AGAP1: variants seen among roughly 807,000 people sequenced by gnomAD.
The protein encoded by AGAP1 is ArfGAP with GTPase domain, ankyrin repeat and PH domain 1.
In AGAP1, 29 loss-of-function variants were observed where a neutral mutation model predicts 105.3. The observed-to-expected ratio is 0.28, with a 90% CI of 0.21 to 0.38. The LOEUF (loss-of-function observed/expected upper bound fraction) is 0.38. Among genes scored for constraint, AGAP1 ranks in the 10% least tolerant of loss-of-function variants. The pLI, the probability that AGAP1 is intolerant of heterozygous loss-of-function variation, is 1.00. For synonymous variants in AGAP1, 509 were observed against 485.9 expected, an observed-to-expected ratio of 1.05 and a Z score of -0.63; for missense variants, 998 against 1,165.1, an observed-to-expected ratio of 0.86 and a Z score of 2.09.
chr2:235,510,229 C>T (rs994441335), intron 1 of AGAP1, among the ~76,000 whole-genome samples: 2 of 152,314 alleles, frequency 1.3e-5, no homozygotes, highest in Non-Finnish European at 2.9e-5. Flanking sequence ...CCCCCTGCCT[C>T]CCTTCAGTGG....
intron 12 of AGAP1, among the ~76,000 whole-genome samples, chr2:235,937,665 G>A (rs772829977): frequency 2.0e-5 from 3 of 152,210 alleles, no homozygotes; most frequent in Non-Finnish European, 2.9e-5. Context: ...GGCCCTCGGC[G>A]TGTCTTCACC....
At chr2:235,947,838 T>C (rs150843153) in intron 12 of AGAP1, among the ~76,000 whole-genome samples, 2 of 152,380 alleles carry the variant, frequency 1.3e-5, no homozygotes, top group Non-Finnish European at 2.9e-5. Context: ...ATAGGTACTA[T>C]TTGTTAAGTC....
In AGAP1 at chr2:235,549,540, G is replaced by C. The variant is rs148745780; in HGVS notation, c.163+54691G>C. The stretch of plus-strand genomic sequence containing the variant: ...AGATGGTGTTGGCAGCCTTTTTCAC[G>C]TACAGAGTTGCATTGCTCCTCCGTC... On this transcript the variant is annotated intron_variant, in intron 1 of 17. Transcript: ENST00000304032. The surrounding 1 kb of genome is among the most constrained non-coding windows in gnomAD (Gnocchi z 4.2). 0.015 allele frequency among the ~76,000 whole-genome samples: 2,261 copies of C among 152,252 alleles called. 26 individuals carry two copies. Among genetic ancestry groups the C allele is most frequent in the Non-Finnish European group, 0.017 (1,180 of 68,028 alleles).
At chr2:235,509,145 A>T (rs1941960467) in intron 1 of AGAP1, among the ~76,000 whole-genome samples, 1 of 152,226 alleles carries the variant, frequency 6.6e-6, no homozygotes, top group Non-Finnish European at 1.5e-5. Flanking sequence ...GTGAAAATTA[A>T]TGGTGGGTTT....
chr2:236,120,051 G>T lies in AGAP1; in HGVS notation c.2115-141G>T. 1 of 1,208,406 alleles carries T rather than the reference G, an allele frequency of 8.3e-7. No individual in the cohort carries two copies. Among genetic ancestry groups the T allele is most frequent in the Non-Finnish European group, 1.2e-6 (1 of 868,674 alleles). The allele number at this position is 1,208,406 out of a possible 1,614,324, so 74.9% of individuals were successfully genotyped here. A position where few individuals can be genotyped will look rare whatever the true frequency, so the allele number is the denominator to read the frequency against. Reference sequence around the variant, plus strand: ...TGAAGGTGGATAAACGTTTCCCCCAGGGGGCTTTGTGCCGAGTGAAGACCT... The same window carrying T: ...TGAAGGTGGATAAACGTTTCCCCCATGGGGCTTTGTGCCGAGTGAAGACCT... On this transcript the variant is annotated intron_variant, in intron 16 of 17. Transcript: ENST00000304032. The surrounding 1 kb of genome is among the most constrained non-coding windows in gnomAD (Gnocchi z 6.0).
rs530373354 is a variant in AGAP1, at chr2:235,628,475, G to A, written c.164-80704G>A. ...TTTCTGGGAATGTACTTGGCAGAAG[G>A]GAAGCCTGGGAGTGAGCTCCAGGCA... On this transcript the variant is annotated intron_variant, in intron 1 of 17. Transcript: ENST00000304032. Among the ~76,000 whole-genome samples the A allele has an allele frequency of 9.2e-5, 14 of 152,240 alleles. No homozygotes were observed. The South Asian group carries it at 2.9e-3, about 32-fold the overall frequency.
chr2:236,007,574 T>C (rs1216614303), intron 13 of AGAP1, among the ~76,000 whole-genome samples: 4 of 152,226 alleles, frequency 2.6e-5, no homozygotes, highest in Non-Finnish European at 5.9e-5. Context: ...CTTTGAAATA[T>C]GATAACACAA....
rs1224582317 is a variant in AGAP1 at position 235,962,479 on chromosome 2, C to G, written c.1484-5983C>G. The stretch of plus-strand genomic sequence containing the variant: ...GGGTTGGACGTCAGATGGCATGGAA[C>G]TCAGGGCATAGAGGAGCCACGGGAG... On this transcript the variant is annotated intron_variant, in intron 12 of 17. Transcript: ENST00000304032. This position sits in a 1 kb window ranked among gnomAD's most constrained non-coding sequence, Gnocchi z 5.3. 2.0e-5 allele frequency among the ~76,000 whole-genome samples: 3 copies of G among 152,030 alleles called. No homozygotes were observed. The highest frequency in any genetic ancestry group is 4.8e-5 in the African/African-American group (2 of 41,388).
At chr2:235,861,723 C>G (rs1170469571) in intron 9 of AGAP1, among the ~76,000 whole-genome samples, 4 of 152,154 alleles carry the variant, frequency 2.6e-5, no homozygotes, top group Non-Finnish European at 5.9e-5. Flanking sequence ...CACTGTGTCC[C>G]TGGGGGACTG....
At position 236,000,683 on chromosome 2, in the gene AGAP1, G is replaced by A. The variant is rs571090834; in HGVS notation, c.1645+32060G>A. On this transcript the variant is annotated intron_variant, in intron 13 of 17. Transcript: ENST00000304032. This position sits in a 1 kb window ranked among gnomAD's most constrained non-coding sequence, Gnocchi z 4.3. ...GTGCACAGTGAAGAATAAAACACAG[G>A]TGATTTCAGATAGTGGCACATGCCT... 2.1e-4 allele frequency among the ~76,000 whole-genome samples: 32 copies of A among 152,328 alleles called. No homozygotes were observed. Among genetic ancestry groups the A allele is most frequent in the African/African-American group, 7.5e-4 (31 of 41,564 alleles).
At chr2:235,749,492 C>T (rs2149706747) in intron 5 of AGAP1, among the ~76,000 whole-genome samples, 1 of 152,178 alleles carries the variant, frequency 6.6e-6, no homozygotes, top group Non-Finnish European at 1.5e-5. Context: ...ATCCAGGTCA[C>T]CTGTGACCCT....
intron 6 of AGAP1, among the ~76,000 whole-genome samples, chr2:235,757,589 C>G (rs768437368): frequency 9.9e-5 from 15 of 152,194 alleles, no homozygotes; most frequent in Non-Finnish European, 2.1e-4. Flanking sequence ...CTGGAAAGCA[C>G]TTTTATAGAA....
At position 235,631,653 on chromosome 2, in the gene AGAP1, C is replaced by G. The variant is rs1946833154; in HGVS notation, c.164-77526C>G. Among the ~76,000 whole-genome samples, 1 of 152,230 alleles carries G rather than the reference C, an allele frequency of 6.6e-6. No homozygotes were observed. Among genetic ancestry groups the G allele is most frequent in the African/African-American group, 2.4e-5 (1 of 41,472 alleles). On this transcript the variant is annotated intron_variant, in intron 1 of 17. Coordinates refer to ENST00000304032, the MANE Select transcript of AGAP1 (RefSeq NM_001037131.3). The surrounding 1 kb of genome is among the most constrained non-coding windows in gnomAD (Gnocchi z 5.4). ...TGTGATTCTGGGCAAGTTGGTTAAC[C>G]TCTCTGTGCTTAGGTGACCTTCGAT...
In AGAP1 at chr2:236,002,278, G is replaced by C. The variant is rs1255883676; in HGVS notation, c.1645+33655G>C. ...GACCCACGCACCCAGCCTGAGCCCA[G>C]GAGGCTCCTGGTCCCGTCCTGGAAC... On this transcript the variant is annotated intron_variant, in intron 13 of 17. Transcript: ENST00000304032. This position sits in a 1 kb window ranked among gnomAD's most constrained non-coding sequence, Gnocchi z 4.3. Among the ~76,000 whole-genome samples the C allele has an allele frequency of 6.6e-6, 1 of 152,190 alleles. No individual in the cohort carries two copies. Among genetic ancestry groups the C allele is most frequent in the East Asian group, 1.9e-4 (1 of 5,176 alleles).
At position 235,705,074 on chromosome 2, in the gene AGAP1, G is replaced by A. The variant is rs967117831; in HGVS notation, c.164-4105G>A. The stretch of plus-strand genomic sequence containing the variant: ...GCTCGCTGCAACCTCTACCTCCCGG[G>A]TTCAAGCACTTCTCCTGCCTCAGCC... On this transcript the variant is annotated intron_variant, in intron 1 of 17. Coordinates refer to ENST00000304032, the MANE Select transcript of AGAP1 (RefSeq NM_001037131.3). The surrounding 1 kb of genome is among the most constrained non-coding windows in gnomAD (Gnocchi z 4.9). Among the ~76,000 whole-genome samples the A allele has an allele frequency of 1.9e-4, 28 of 144,262 alleles. No homozygotes were observed. The highest frequency in any genetic ancestry group is 4.6e-4 in the South Asian group (2 of 4,352). 94.6% of individuals were successfully genotyped at this position (144,262 alleles called of 152,430 possible).
intron 4 of AGAP1, among the ~76,000 whole-genome samples, chr2:235,742,043 G>A (rs1258793443): frequency 6.6e-6 from 1 of 152,128 alleles, no homozygotes; most frequent in African/African-American, 2.4e-5. Context: ...GTGAGCCACC[G>A]CGCCCGACCC....
rs1016011747 is a variant in AGAP1, at chr2:235,557,016, G to A, written c.163+62167G>A. ...GCAACTCAGGGCTTTCTGGAGGTTGGGGGGCGGATCCCGAAGGCAGACTTG... is the reference window on the plus strand; with the variant it reads ...GCAACTCAGGGCTTTCTGGAGGTTGAGGGGCGGATCCCGAAGGCAGACTTG... On this transcript the variant is annotated intron_variant, in intron 1 of 17. Transcript: ENST00000304032. This position sits in a 1 kb window ranked among gnomAD's most constrained non-coding sequence, Gnocchi z 4.7. 6.6e-6 allele frequency among the ~76,000 whole-genome samples: 1 copy of A among 152,174 alleles called. No homozygotes were observed. Among genetic ancestry groups the A allele is most frequent in the Non-Finnish European group, 1.5e-5 (1 of 68,032 alleles).
intron 1 of AGAP1, among the ~76,000 whole-genome samples, chr2:235,645,396 G>A (rs561000202): frequency 6.6e-6 from 1 of 152,236 alleles, no homozygotes; most frequent in Non-Finnish European, 1.5e-5. Flanking sequence ...TGAGGTCTCC[G>A]GCTTTGTATT....
At chr2:235,926,268 A>G (rs2052440877) in intron 11 of AGAP1, among the ~76,000 whole-genome samples, 1 of 152,226 alleles carries the variant, frequency 6.6e-6, no homozygotes, top group South Asian at 2.1e-4. Flanking sequence ...TATTAAAAAG[A>G]TTCACTCCAC....
Sources: gnomAD v4.1 joint callset for allele counts (sites outside exome capture counted in the v4.1 genomes callset) on GRCh38, gnomAD v4.1.1 for gene constraint, Gnocchi (gnomAD v3.1) non-coding constraint, MANE v1.5 for transcripts, NCBI Gene and HGNC (gene_info 2026-07-23, HGNC 2026-07-21) for gene names.